Variants in CACNA1E observed in about 807,000 individuals in gnomAD.
CACNA1E encodes the protein calcium voltage-gated channel subunit alpha1 E.
A neutral mutation model predicts 259.2 loss-of-function variants in CACNA1E; 40 were observed. The observed-to-expected ratio is 0.15, with a 90% CI of 0.12 to 0.20. The LOEUF (loss-of-function observed/expected upper bound fraction) is 0.20, where lower values mean the gene tolerates loss of function less well. Ranked by LOEUF, CACNA1E falls within the 10% of genes least tolerant of loss-of-function variation. The pLI, the probability that CACNA1E is intolerant of heterozygous loss-of-function variation, is 1.00. For synonymous variants in CACNA1E, 1,104 were observed against 1,138.5 expected (o/e 0.97, Z 0.61); for missense variants, 1,874 against 3,040.1 (o/e 0.62, Z 9.02).
chr1:181,738,915 G>A (rs958176341), intron 24 of CACNA1E, among the ~76,000 whole-genome samples: 4 of 151,998 alleles, frequency 2.6e-5, no homozygotes, highest in Admixed American at 2.6e-4. Context: ...ATGTGTCAGG[G>A]TTCTGTGACA....
intron 1 of CACNA1E, among the ~76,000 whole-genome samples, chr1:181,385,883 C>T (rs1262197738): frequency 6.7e-6 from 1 of 149,580 alleles, no homozygotes; most frequent in African/African-American, 2.4e-5. Flanking sequence ...CCCTCCCTCT[C>T]TTCCTCCCTT....
chr1:181,546,080 C>G (rs913900387), intron 3 of CACNA1E, among the ~76,000 whole-genome samples: 1 of 151,956 alleles, frequency 6.6e-6, no homozygotes, highest in African/African-American at 2.4e-5. Context: ...CAGAAGCTGC[C>G]CCGACAGTCT....
At chr1:181,398,509 C>T (rs1557971157) in intron 1 of CACNA1E, among the ~76,000 whole-genome samples, 2 of 152,154 alleles carry the variant, frequency 1.3e-5, no homozygotes, top group Non-Finnish European at 2.9e-5. Flanking sequence ...CTGACTTGCT[C>T]AAGGATATTA....
intron 6 of CACNA1E, among the ~76,000 whole-genome samples, chr1:181,637,424 T>TTCCCTCCCTCCC (rs1558212634): frequency 1.4e-5 from 1 of 69,864 alleles, no homozygotes; most frequent in Non-Finnish European, 2.7e-5. Context: ...CCCTCCCTCC[T>TTCCCTCCCTCCC]TCCCTCCTTC....
intron 3 of CACNA1E, among the ~76,000 whole-genome samples, chr1:181,528,386 T>C (rs1420476771): frequency 6.6e-6 from 1 of 152,174 alleles, no homozygotes; most frequent in South Asian, 2.1e-4. Context: ...CAGTTTCAGG[T>C]ATGTTTTTAT....
At chr1:181,492,983 G>C (rs906220179) in intron 1 of CACNA1E, among the ~76,000 whole-genome samples, 8 of 152,146 alleles carry the variant, frequency 5.3e-5, no homozygotes, top group African/African-American at 1.7e-4. Flanking sequence ...GATGACCTCA[G>C]TAAGTGTCTA....
chr1:181,724,810 C>T (rs1435342259), intron 17 of CACNA1E, among the ~76,000 whole-genome samples: 1 of 152,176 alleles, frequency 6.6e-6, no homozygotes, highest in South Asian at 2.1e-4. Context: ...GAGTCCTTTC[C>T]AGGATCATCA....
intron 1 of CACNA1E, among the ~76,000 whole-genome samples, chr1:181,334,529 C>T (rs549501819): frequency 7.9e-5 from 12 of 152,310 alleles, no homozygotes; most frequent in African/African-American, 2.6e-4. Flanking sequence ...CTTCAATCTT[C>T]GCTATGTCAG....
intron 32 of CACNA1E, among the ~76,000 whole-genome samples, chr1:181,761,144 C>T (rs182038402): frequency 4.1e-4 from 62 of 152,306 alleles, no homozygotes; most frequent in Non-Finnish European, 7.5e-4. Context: ...CCTCTTTCAG[C>T]CTCATTTTCT....
chr1:181,363,203 C>A (rs1452238877), intron 1 of CACNA1E, among the ~76,000 whole-genome samples: 1 of 152,180 alleles, frequency 6.6e-6, no homozygotes, highest in Non-Finnish European at 1.5e-5. Context: ...AGGGTACTCA[C>A]AATCTCATTA....
chr1:181,518,555 CTT>C (rs899930495), intron 3 of CACNA1E, among the ~76,000 whole-genome samples: 1 of 152,152 alleles, frequency 6.6e-6, no homozygotes, highest in Non-Finnish European at 1.5e-5. Flanking sequence ...TTAAAGGTCT[CTT>C]CTTAGCTCTG....
chr1:181,457,358 A>G (rs1031403360), intron 2 of CACNA1E, among the ~76,000 whole-genome samples: 1 of 152,262 alleles, frequency 6.6e-6, no homozygotes, highest in African/African-American at 2.4e-5. Flanking sequence ...TTGGGTGAAC[A>G]TAAACATTCA....
intron 3 of CACNA1E, among the ~76,000 whole-genome samples, chr1:181,573,777 C>CAT (rs1650661528): frequency 6.6e-6 from 1 of 152,174 alleles, no homozygotes. Flanking sequence ...CATTACTGGG[C>CAT]ATATACCCAA....
chr1:181,537,403 G>A (rs2225875), intron 3 of CACNA1E, among the ~76,000 whole-genome samples: 50,674 of 151,940 alleles, frequency 0.33, 8,999 homozygotes, highest in African/African-American at 0.44. Context: ...CTGGCCTGTG[G>A]TTTCTTTTTA....
intron 3 of CACNA1E, among the ~76,000 whole-genome samples, chr1:181,533,532 G>A (rs1299787454): frequency 6.6e-6 from 1 of 151,592 alleles, no homozygotes; most frequent in African/African-American, 2.4e-5. Flanking sequence ...TTTGATAACT[G>A]ATAGTGCCAA....
chr1:181,352,435 T>G (rs1653109870), intron 1 of CACNA1E, among the ~76,000 whole-genome samples: 2 of 152,292 alleles, frequency 1.3e-5, no homozygotes, highest in African/African-American at 4.8e-5. Context: ...TAAATAATTA[T>G]GAGACAAGAT....
Position 181,421,201 on chromosome 1 carries a change from C to T in CACNA1E, c.434+7621C>T, listed in dbSNP as rs79553260. Among the ~76,000 whole-genome samples the T allele has an allele frequency of 5.3e-5, 8 of 152,304 alleles. No homozygotes were observed. In the East Asian group the frequency reaches 5.8e-4, roughly 11 times the overall value. ...AACTGGCACAGCACTGGGTAAATGA[C>T]GGGAACTCAGTTCATGCTTGAATTC... On this transcript the variant is annotated intron_variant, in intron 2 of 11. Coordinates refer to the CACNA1E transcript ENST00000524607.
At chr1:181,549,357 G>C (rs1647871550) in intron 3 of CACNA1E, among the ~76,000 whole-genome samples, 1 of 152,230 alleles carries the variant, frequency 6.6e-6, no homozygotes, top group African/African-American at 2.4e-5. Flanking sequence ...CAAGGGGCCA[G>C]AGTGAGAATG....
intron 21 of CACNA1E, among the ~76,000 whole-genome samples, chr1:181,734,091 C>A (rs1406081638): frequency 2.0e-5 from 3 of 152,160 alleles, no homozygotes; most frequent in African/African-American, 7.2e-5. Context: ...AGGTGCTCTG[C>A]TGCCCTGGCA....
Sources: gnomAD v4.1 joint callset for allele counts (sites outside exome capture counted in the v4.1 genomes callset) on GRCh38, gnomAD v4.1.1 for gene constraint, MANE v1.5 for transcripts, NCBI Gene and HGNC (gene_info 2026-07-23, HGNC 2026-07-21) for gene names.